The following XRN1 variants were observed in gnomAD, a reference collection of about 807,000 sequenced individuals.
The protein encoded by XRN1 is 5'-3' exoribonuclease 1, also known as strand-exchange protein 1 homolog.
In XRN1, 67 loss-of-function variants were observed where a neutral mutation model predicts 222.3. The ratio of observed to expected loss-of-function variants is 0.30; its 90% CI spans 0.25 to 0.37. XRN1 has a LOEUF of 0.37. Ranked by LOEUF, XRN1 falls within the 10% of genes least tolerant of loss-of-function variation. The probability of loss-of-function intolerance (pLI) is 1.00; values close to 1 mark genes in which losing one functional copy is unlikely to be tolerated. For synonymous variants in XRN1, 643 were observed against 652.4 expected (o/e 0.99, Z 0.22); for missense variants, 1,707 against 2,000.2 (o/e 0.85, Z 2.80).
rs1446473123 is a variant in XRN1, at chr3:142,418,957, C to T, written c.1174-76G>A. 11 of 1,401,574 alleles carry T rather than the reference C, an allele frequency of 7.8e-6. No homozygotes were observed. The African/African-American group carries it at 8.5e-5, about 11-fold the overall frequency. 86.8% of individuals were successfully genotyped at this position (1,401,574 alleles called of 1,614,324 possible). A position where few individuals can be genotyped will look rare whatever the true frequency, so the allele number is the denominator to read the frequency against. On this transcript the variant is annotated intron_variant, in intron 10 of 40. Transcript: ENST00000392981. ...GAGATGTCATTTCTCTTCCATGCACCCATTTGCTTTTCTATAGTTCTTCCA... is the reference window on the plus strand; with the variant it reads ...GAGATGTCATTTCTCTTCCATGCACTCATTTGCTTTTCTATAGTTCTTCCA...
intron 20 of XRN1, among the ~76,000 whole-genome samples, chr3:142,396,169 C>A (rs1486387872): frequency 2.0e-5 from 3 of 152,036 alleles, no homozygotes; most frequent in Admixed American, 2.0e-4. Flanking sequence ...TGGCAGGTAT[C>A]AATACATTGA....
intron 32 of XRN1, among the ~76,000 whole-genome samples, chr3:142,350,426 G>A (rs946926863): frequency 6.6e-6 from 1 of 152,108 alleles, no homozygotes; most frequent in Non-Finnish European, 1.5e-5. Context: ...AATGTGATTA[G>A]AGAGGTGACA....
At chr3:142,378,150 A>G (rs1214977527) in intron 23 of XRN1, among the ~76,000 whole-genome samples, 1 of 152,254 alleles carries the variant, frequency 6.6e-6, no homozygotes, top group East Asian at 1.9e-4. Flanking sequence ...AATCAATAAG[A>G]ACAAATGACA....
At chr3:142,415,169 T>C (rs1035355809) in intron 13 of XRN1, among the ~76,000 whole-genome samples, 1 of 152,254 alleles carries the variant, frequency 6.6e-6, no homozygotes, top group Non-Finnish European at 1.5e-5. Context: ...CATACACTAA[T>C]TGTTTTTGTT....
At chr3:142,392,609 ATG>A (rs1421916428) in intron 20 of XRN1, among the ~76,000 whole-genome samples, 1 of 151,358 alleles carries the variant, frequency 6.6e-6, no homozygotes, top group Non-Finnish European at 1.5e-5. Context: ...TTTACTGAGA[ATG>A]ATGATTTCCA....
rs545734975 is a variant in XRN1, at chr3:142,309,743, A to G, written c.*1768T>C. The G allele has an allele frequency of 7.2e-5, 11 of 152,362 alleles. No homozygotes were observed. Among genetic ancestry groups the G allele is most frequent in the East Asian group, 1.9e-4 (1 of 5,196 alleles). 9.4% of individuals were successfully genotyped at this position (152,362 alleles called of 1,614,324 possible). A position where few individuals can be genotyped will look rare whatever the true frequency, so the allele number is the denominator to read the frequency against. On this transcript the variant is annotated 3_prime_UTR_variant, in exon 41 of 41. Transcript: ENST00000392981. ...GAGTAATGAGTGAGGCAAATTCTCA[A>G]TGCTGGAGTTTGTACAGCTGAGGTG...
chr3:142,325,213 C>T (rs924322196), intron 37 of XRN1, among the ~76,000 whole-genome samples: 4 of 152,142 alleles, frequency 2.6e-5, no homozygotes, highest in African/African-American at 9.7e-5. Flanking sequence ...CCTTTCTCTG[C>T]ATCCTTACCA....
At chr3:142,397,227 T>C (rs1405026521) in intron 20 of XRN1, 102 bp downstream of exon 20, 1 of 1,102,502 alleles carries the variant, frequency 9.1e-7, no homozygotes, top group African/African-American at 1.6e-5. Flanking sequence ...GTGTAATTAG[T>C]ATTCAGAGTA....
In XRN1 at chr3:142,329,496, A is replaced by G; in HGVS notation, c.4342T>C (p.Ser1448Pro). 6.3e-7 allele frequency: 1 copy of G among 1,595,278 alleles called. No homozygotes were observed. ...ATTCCAACAAGGGAACAAATTCGAG[A>G]AAGTTCAGTTACTGGTGTGGATACA... Reference protein sequence around the residue: ...PPVSTPVTELSRICSLVGMPQ... With the variant: ...PPVSTPVTELPRICSLVGMPQ... Residue 1448 changes from serine (S) to proline (P), a missense_variant, in exon 37 of 41, where the codon TCT (serine) becomes CCT (proline). Transcript: ENST00000392981.
intron 35 of XRN1, 147 bp from the exon 36 acceptor site, chr3:142,332,681 A>T: frequency 1.1e-6 from 1 of 876,116 alleles, no homozygotes; most frequent in Non-Finnish European, 1.6e-6. Flanking sequence ...ACTGAAAAAA[A>T]AAAACCCAAC....
intron 22 of XRN1, 70 bp downstream of exon 22, chr3:142,383,230 A>T (rs2067367706): frequency 8.5e-7 from 1 of 1,175,678 alleles, no homozygotes; most frequent in Non-Finnish European, 1.2e-6. Flanking sequence ...ATTTAAACCT[A>T]AATGAAGAGA....
rs558082156 is a variant in XRN1, at chr3:142,417,161, T to C, written c.1415A>G (p.His472Arg). ...AIQWILHYYY[H>R]GVQSWSWYYP... ...TCACCAGCTCCAGGACTGAACTCCA[T>C]GATAGTAATAGTGCAAAATCCACTG... is the stretch of plus-strand genomic sequence containing the variant. The change falls in exon 13 of 41, where the codon CAT becomes CGT. Residue 472 changes from histidine to arginine, a missense_variant. Around this residue, in one of 2 missense-constraint regions of XRN1, gnomAD observed 1,234 missense variants for 1,518.2 expected, o/e 0.81. Coordinates refer to ENST00000392981, the MANE Select transcript of XRN1 (RefSeq NM_001282857.2). 3 of 1,613,508 alleles carry C rather than the reference T, an allele frequency of 1.9e-6. No homozygotes were observed. In the South Asian group the frequency reaches 3.3e-5, roughly 18 times the overall value.
rs2066483712 is a variant in XRN1 at position 142,357,020 on chromosome 3, G to A, written c.3564C>T (p.Ile1188=). Residue 1188 remains isoleucine, a synonymous_variant, in exon 31 of 41, where the codon ATC becomes ATT. Transcript: ENST00000392981. ...SETGNQKLTA[I]VKPQPAVHQH... is the part of the protein sequence containing the mutation. ...GATGTACAGCTGGTTGTGGTTTTACGATGGCTGTCAACTTCTGATTTCCAG... is the reference window on the plus strand; with the variant it reads ...GATGTACAGCTGGTTGTGGTTTTACAATGGCTGTCAACTTCTGATTTCCAG... 6.8e-6 allele frequency: 11 copies of A among 1,613,876 alleles called. No homozygotes were observed. Among genetic ancestry groups the A allele is most frequent in the Admixed American group, 1.7e-5 (1 of 59,980 alleles).
At chr3:142,333,663 G>A (rs2065767223) in intron 34 of XRN1, among the ~76,000 whole-genome samples, 1 of 152,130 alleles carries the variant, frequency 6.6e-6, no homozygotes, top group Non-Finnish European at 1.5e-5. Flanking sequence ...ATTAGGAGGT[G>A]GGGCCTTTGG....
chr3:142,355,252 T>TA (rs1399443860), intron 32 of XRN1, 149 bp downstream of exon 32: 71 of 413,388 alleles, frequency 1.7e-4, no homozygotes, highest in Middle Eastern at 6.8e-4. Flanking sequence ...TTGAAATTAT[T>TA]TAAAAAAAGA....
chr3:142,318,805 A>C lies in XRN1; in HGVS notation c.4503T>G (p.Phe1501Leu). 1 of 1,613,996 alleles carries C rather than the reference A, an allele frequency of 6.2e-7. No individual in the cohort carries two copies. The highest frequency in any genetic ancestry group is 1.7e-5 in the Admixed American group (1 of 60,022). The change falls in exon 38 of 41, where the codon TTT becomes TTG. Residue 1501 changes from phenylalanine (F) to leucine (L), a missense_variant. By Grantham distance (22) the Phe-to-Leu change is conservative. Coordinates refer to ENST00000392981, the MANE Select transcript of XRN1 (RefSeq NM_001282857.2). ...CAGTTCTTACCAACTGTTGTAAAGC[A>C]AAAAGTGCAGCTTTCTCTTTGGCTT... is the stretch of plus-strand genomic sequence containing the variant. ...ENEAKEKAAL[F>L]ALQQLGSLGM...
At position 142,374,170 on chromosome 3, in the gene XRN1, G is replaced by T. The variant is rs1326295102; in HGVS notation, c.2978+1628C>A. ...TGGAGATATAAATCAGAAAGAGTGA[G>T]GCATGAAAGTCAGAAAAGGAAGGAA... is the stretch of plus-strand genomic sequence containing the variant. On this transcript the variant is annotated intron_variant, in intron 25 of 40. Transcript: ENST00000392981. 3.3e-5 allele frequency among the ~76,000 whole-genome samples: 5 copies of T among 152,202 alleles called. No homozygotes were observed. The East Asian group carries it at 9.6e-4, about 29-fold the overall frequency.
intron 5 of XRN1, among the ~76,000 whole-genome samples, chr3:142,423,980 G>A (rs2069142804): frequency 6.6e-6 from 1 of 151,838 alleles, no homozygotes; most frequent in African/African-American, 2.4e-5. Flanking sequence ...ATTAGAGGCA[G>A]CAGCTTTTCT....
chr3:142,442,350 A>C (rs1445937033), intron 1 of XRN1, among the ~76,000 whole-genome samples: 1 of 152,214 alleles, frequency 6.6e-6, no homozygotes, highest in Non-Finnish European at 1.5e-5. Context: ...TATTGAAGCC[A>C]AAAGAGCCGC....
Sources: allele counts gnomAD v4.1 joint callset (sites outside exome capture counted in the v4.1 genomes callset), GRCh38; gene constraint gnomAD v4.1.1; regional missense constraint gnomAD v4.1.1; transcripts MANE v1.5; gene names NCBI Gene and HGNC (gene_info 2026-07-23, HGNC 2026-07-21).